The following TMEM240 variants were observed in gnomAD, a reference collection of about 807,000 sequenced individuals.
The protein encoded by TMEM240 is transmembrane protein C1orf70.
TMEM240 carries 3 observed loss-of-function variants against 19.5 expected under a neutral mutation model. The observed-to-expected ratio is 0.15, with a 90% CI of 0.07 to 0.40. The LOEUF (loss-of-function observed/expected upper bound fraction) is 0.40. Among genes scored for constraint, TMEM240 ranks in the 10% least tolerant of loss-of-function variants. The pLI is 1.00. For synonymous variants in TMEM240, 123 were observed against 109.3 expected (o/e 1.13, Z -0.78); for missense variants, 210 against 253.5 (o/e 0.83, Z 1.17).
chr1:1,539,842 G>C (rs1175723253), intron 1 of TMEM240, 52 bp from the exon 2 acceptor site: 1 of 1,494,356 alleles, frequency 6.7e-7, no homozygotes, highest in African/African-American at 1.4e-5. Flanking sequence ...GACGAAGCGG[G>C]GCTGGGGGTG....
chr1:1,535,599 T>G lies in TMEM240; in HGVS notation c.363A>C (p.Gly121=). The G allele has an allele frequency of 6.5e-7, 1 of 1,549,262 alleles. No homozygotes were observed. The highest frequency in any genetic ancestry group is 8.7e-7 in the Non-Finnish European group (1 of 1,146,326). The part of the protein sequence containing the change: ...LHCAVRAWRA[G]RRYDGSWTWL... ...GCACGAGGCACTCACCGTAGCGCCGTCCGGCTCTCCAGGCGCGCACGGCGC... is the reference window on the plus strand; with the variant it reads ...GCACGAGGCACTCACCGTAGCGCCGGCCGGCTCTCCAGGCGCGCACGGCGC... The change falls in exon 3 of 4, where the codon GGA becomes GGC. Residue 121 remains glycine (G), a synonymous_variant. Coordinates refer to ENST00000378733, the MANE Select transcript of TMEM240 (RefSeq NM_001114748.2). This position sits in a 1 kb window ranked among gnomAD's most constrained non-coding sequence, Gnocchi z 8.2.
In TMEM240 at chr1:1,535,138, G is replaced by A. The variant is rs1309158343; in HGVS notation, c.*221C>T. ...CCTTGTGTCCTGCCCCCCAACTGCA[G>A]GGTCTCCCCTAACCCAACCCCCACC... is the stretch of plus-strand genomic sequence containing the variant. On this transcript the variant is annotated 3_prime_UTR_variant, in exon 4 of 4. Coordinates refer to ENST00000378733, the MANE Select transcript of TMEM240 (RefSeq NM_001114748.2). The surrounding 1 kb of genome is among the most constrained non-coding windows in gnomAD (Gnocchi z 8.2). 1 of 339,110 alleles carries A rather than the reference G, an allele frequency of 2.9e-6. No individual in the cohort carries two copies. The allele number at this position is 339,110 out of a possible 1,614,324, so 21.0% of individuals were successfully genotyped here. A position where few individuals can be genotyped will look rare whatever the true frequency, so the allele number is the denominator to read the frequency against.
Position 1,535,475 on chromosome 1 carries a change from T to G in TMEM240, c.406A>C (p.Ser136Arg). ...GSWTWLPKLC[S>R]LRELGRRPHR... ...GGCCGCCGGCCCAGCTCCCGCAGGC[T>G]GCACAGCTTGGGCAGCCAGGTCCAC... is the stretch of plus-strand genomic sequence containing the variant. Residue 136 changes from serine (S) to arginine (R), a missense_variant, in exon 4 of 4, where the codon AGC becomes CGC. Around this residue, in one of 3 missense-constraint regions of TMEM240, gnomAD observed 157 missense variants for 168.2 expected, o/e 0.93. Transcript: ENST00000378733. This position sits in a 1 kb window ranked among gnomAD's most constrained non-coding sequence, Gnocchi z 8.2. 1 of 1,548,380 alleles carries G rather than the reference T, an allele frequency of 6.5e-7. No individual in the cohort carries two copies. The highest frequency in any genetic ancestry group is 8.7e-7 in the Non-Finnish European group (1 of 1,145,946).
rs1642287197 is a variant in TMEM240 at position 1,540,412 on chromosome 1, A to G, written c.-66T>C. On this transcript the variant is annotated 5_prime_UTR_variant, in exon 1 of 4. Transcript: ENST00000378733. Reference sequence around the variant, plus strand: ...CCGGCGCCCCCCCGGCCCCGGCCCGATGCTGAGCCCCCGCCGCCTCCGCAG... The same window carrying G: ...CCGGCGCCCCCCCGGCCCCGGCCCGGTGCTGAGCCCCCGCCGCCTCCGCAG... 1 of 619,344 alleles carries G rather than the reference A, an allele frequency of 1.6e-6. No homozygotes were observed. The highest frequency in any genetic ancestry group is 2.1e-6 in the Non-Finnish European group (1 of 484,556). The allele number at this position is 619,344 out of a possible 1,614,324, so 38.4% of individuals were successfully genotyped here. A position where few individuals can be genotyped will look rare whatever the true frequency, so the allele number is the denominator to read the frequency against.
Position 1,535,941 on chromosome 1 carries a change from G to GGGGGA in TMEM240, c.165-145_165-144insTCCCC. 3 of 388,946 alleles carry GGGGGA rather than the reference G, an allele frequency of 7.7e-6. No homozygotes were observed. The highest frequency in any genetic ancestry group is 7.5e-5 in the East Asian group (1 of 13,394). The allele number at this position is 388,946 out of a possible 1,614,324, so 24.1% of individuals were successfully genotyped here. ...GCAGCCTCTTGGGCGGGCGGGTCGG[G>GGGGGA]AAGGGGGCACCAGACTCAACGAGGC... On this transcript the variant is annotated intron_variant, in intron 2 of 3. Transcript: ENST00000378733. This position sits in a 1 kb window ranked among gnomAD's most constrained non-coding sequence, Gnocchi z 8.2.
chr1:1,536,370 G>A lies in TMEM240; in HGVS notation c.165-573C>T, dbSNP rs1642222037. 6.6e-6 allele frequency among the ~76,000 whole-genome samples: 1 copy of A among 152,154 alleles called. No homozygotes were observed. The highest frequency in any genetic ancestry group is 1.5e-5 in the Non-Finnish European group (1 of 68,008). On this transcript the variant is annotated intron_variant, in intron 2 of 3. Coordinates refer to ENST00000378733, the MANE Select transcript of TMEM240 (RefSeq NM_001114748.2). The surrounding 1 kb of genome is among the most constrained non-coding windows in gnomAD (Gnocchi z 5.4). Reference sequence around the variant, plus strand: ...GTGTTTCTTCTGCTCCTCTATCCCTGGGAGGTGCTGTCGGAGGCCACGGGG... The same window carrying A: ...GTGTTTCTTCTGCTCCTCTATCCCTAGGAGGTGCTGTCGGAGGCCACGGGG...
chr1:1,537,620 C>T (rs972355378), intron 2 of TMEM240, among the ~76,000 whole-genome samples: 4 of 152,186 alleles, frequency 2.6e-5, no homozygotes, highest in African/African-American at 9.7e-5. Flanking sequence ...GCTATCTGCA[C>T]ACGTATGTCT....
rs1171902448 is a variant in TMEM240, at chr1:1,536,557, C to T, written c.165-760G>A. ...CTCCATGTCCCTCGGCCTCCCCTCC[C>T]CGGGCTCTTGGGGGAACTGCCCAGG... On this transcript the variant is annotated intron_variant, in intron 2 of 3. Transcript: ENST00000378733. This position sits in a 1 kb window ranked among gnomAD's most constrained non-coding sequence, Gnocchi z 5.4. 1.3e-5 allele frequency among the ~76,000 whole-genome samples: 2 copies of T among 152,208 alleles called. No homozygotes were observed. Among genetic ancestry groups the T allele is most frequent in the African/African-American group, 4.8e-5 (2 of 41,448 alleles).
Position 1,535,011 on chromosome 1 carries a change from C to T in TMEM240, c.*348G>A, listed in dbSNP as rs930521989. ...CAGCGCCTTCAAACAGATGCTGGCCCGGGCCGCGCGCCTCGCCGCCCCTGC... is the reference window on the plus strand; with the variant it reads ...CAGCGCCTTCAAACAGATGCTGGCCTGGGCCGCGCGCCTCGCCGCCCCTGC... On this transcript the variant is annotated 3_prime_UTR_variant, in exon 4 of 4. Transcript: ENST00000378733. The surrounding 1 kb of genome is among the most constrained non-coding windows in gnomAD (Gnocchi z 8.2). 6.6e-5 allele frequency among the ~76,000 whole-genome samples: 10 copies of T among 151,410 alleles called. No homozygotes were observed. The highest frequency in any genetic ancestry group is 3.4e-3 in the Middle Eastern group (1 of 294).
Position 1,540,397 on chromosome 1 carries a change from C to A in TMEM240, c.-51G>T, listed in dbSNP as rs1321045639. Reference sequence around the variant, plus strand: ...CGCCGCCCCCCGGCCCCGGCGCCCCCCCGGCCCCGGCCCGATGCTGAGCCC... The same window carrying A: ...CGCCGCCCCCCGGCCCCGGCGCCCCACCGGCCCCGGCCCGATGCTGAGCCC... On this transcript the variant is annotated 5_prime_UTR_variant, in exon 1 of 4. Transcript: ENST00000378733. 6 of 841,614 alleles carry A rather than the reference C, an allele frequency of 7.1e-6. No homozygotes were observed. The highest frequency in any genetic ancestry group is 9.0e-6 in the Non-Finnish European group (6 of 666,392). The allele number at this position is 841,614 out of a possible 1,614,324, so 52.1% of individuals were successfully genotyped here.
chr1:1,539,722 C>T lies in TMEM240; in HGVS notation c.126G>A (p.Leu42=), dbSNP rs1485867741. 1 of 1,548,112 alleles carries T rather than the reference C, an allele frequency of 6.5e-7. No individual in the cohort carries two copies. The highest frequency in any genetic ancestry group is 1.4e-5 in the African/African-American group (1 of 72,972). ...AGTGGCAGACGCGGTCCTCGCCCCG[C>T]AGGTGCGGGAGGATGTAGTTGTGGA... The part of the protein sequence containing the change: ...DRFHNYILPH[L]RGEDRVCHCN... Residue 42 remains leucine, a synonymous_variant, in exon 2 of 4, where the codon CTG becomes CTA. Transcript: ENST00000378733.
Position 1,535,286 on chromosome 1 carries a change from G to A in TMEM240, c.*73C>T, listed in dbSNP as rs943317070. 6 of 1,494,064 alleles carry A rather than the reference G, an allele frequency of 4.0e-6. No homozygotes were observed. The highest frequency in any genetic ancestry group is 5.4e-6 in the Non-Finnish European group (6 of 1,112,542). The allele number at this position is 1,494,064 out of a possible 1,614,324, so 92.6% of individuals were successfully genotyped here. A position where few individuals can be genotyped will look rare whatever the true frequency, so the allele number is the denominator to read the frequency against. On this transcript the variant is annotated 3_prime_UTR_variant, in exon 4 of 4. Coordinates refer to ENST00000378733, the MANE Select transcript of TMEM240 (RefSeq NM_001114748.2). This position sits in a 1 kb window ranked among gnomAD's most constrained non-coding sequence, Gnocchi z 8.2. Reference sequence around the variant, plus strand: ...CTGCTGTCCAGTCCCGCCGGCCCGGGCGTCCACGAGGTCCCTTTTACATCT... The same window carrying A: ...CTGCTGTCCAGTCCCGCCGGCCCGGACGTCCACGAGGTCCCTTTTACATCT...
chr1:1,537,030 T>G (rs1023209709), intron 2 of TMEM240, among the ~76,000 whole-genome samples: 1 of 148,400 alleles, frequency 6.7e-6, no homozygotes, highest in Non-Finnish European at 1.5e-5. Context: ...AAGCCCAGCC[T>G]GTCCGTCCAA....
intron 1 of TMEM240, 36 bp from the exon 2 acceptor site, chr1:1,539,826 G>A (rs1465588113): frequency 1.3e-6 from 2 of 1,530,918 alleles, no homozygotes; most frequent in East Asian, 2.5e-5. Context: ...GCCAAGGAGC[G>A]GGCGGGACGA....
At position 1,539,835 on chromosome 1, in the gene TMEM240, G is replaced by A. The variant is rs555093056; in HGVS notation, c.58-45C>T. On this transcript the variant is annotated intron_variant, in intron 1 of 3. Transcript: ENST00000378733. The stretch of plus-strand genomic sequence containing the variant: ...GTCAGCGCCAAGGAGCGGGCGGGAC[G>A]AAGCGGGGCTGGGGGTGGGGAGCGC... 908 of 1,432,690 alleles carry A rather than the reference G, an allele frequency of 6.3e-4. 5 individuals are homozygous for A. In the African/African-American group the frequency reaches 0.012, roughly 19 times the overall value. 88.7% of individuals were successfully genotyped at this position (1,432,690 alleles called of 1,614,324 possible).
rs373116839 is a variant in TMEM240 at position 1,535,284 on chromosome 1, G to A, written c.*75C>T. The A allele has an allele frequency of 2.9e-4, 434 of 1,488,382 alleles. No homozygotes were observed. Among genetic ancestry groups the A allele is most frequent in the Non-Finnish European group, 3.4e-4 (374 of 1,109,160 alleles). 92.2% of individuals were successfully genotyped at this position (1,488,382 alleles called of 1,614,324 possible). On this transcript the variant is annotated 3_prime_UTR_variant, in exon 4 of 4. Transcript: ENST00000378733. The surrounding 1 kb of genome is among the most constrained non-coding windows in gnomAD (Gnocchi z 8.2). Reference sequence around the variant, plus strand: ...GGCTGCTGTCCAGTCCCGCCGGCCCGGGCGTCCACGAGGTCCCTTTTACAT... The same window carrying A: ...GGCTGCTGTCCAGTCCCGCCGGCCCAGGCGTCCACGAGGTCCCTTTTACAT...
At position 1,536,294 on chromosome 1, in the gene TMEM240, G is replaced by A. The variant is rs191810902; in HGVS notation, c.165-497C>T. On this transcript the variant is annotated intron_variant, in intron 2 of 3. Coordinates refer to ENST00000378733, the MANE Select transcript of TMEM240 (RefSeq NM_001114748.2). The surrounding 1 kb of genome is among the most constrained non-coding windows in gnomAD (Gnocchi z 5.4). ...CCCATGCACCCTTCCCCCCGCTGCTGTGCCCTTTCCTCCACGGCTGCCACC... is the reference window on the plus strand; with the variant it reads ...CCCATGCACCCTTCCCCCCGCTGCTATGCCCTTTCCTCCACGGCTGCCACC... Among the ~76,000 whole-genome samples the A allele has an allele frequency of 6.6e-6, 1 of 152,282 alleles. No homozygotes were observed. Among genetic ancestry groups the A allele is most frequent in the Admixed American group, 6.5e-5 (1 of 15,306 alleles).
rs1419176580 is a variant in TMEM240 at position 1,535,335 on chromosome 1, G to A, written c.*24C>T. 1.9e-6 allele frequency: 3 copies of A among 1,547,136 alleles called. No individual in the cohort carries two copies. The South Asian group carries it at 3.6e-5, about 18-fold the overall frequency. ...CTGTACAGCAGCCGGTTGGCTCGGT[G>A]GCCCCGGTAAGTCCCCGTGCGGCTC... On this transcript the variant is annotated 3_prime_UTR_variant, in exon 4 of 4. Transcript: ENST00000378733. This position sits in a 1 kb window ranked among gnomAD's most constrained non-coding sequence, Gnocchi z 8.2.
intron 2 of TMEM240, among the ~76,000 whole-genome samples, chr1:1,537,648 G>C (rs911377207): frequency 1.4e-4 from 21 of 152,176 alleles, no homozygotes; most frequent in African/African-American, 5.1e-4. Context: ...GTACATACGT[G>C]TGTCCTGCCT....
Sources: allele counts gnomAD v4.1 joint callset (sites outside exome capture counted in the v4.1 genomes callset), GRCh38; gene constraint gnomAD v4.1.1; regional missense constraint gnomAD v4.1.1; non-coding constraint Gnocchi (gnomAD v3.1); transcripts MANE v1.5; gene names NCBI Gene and HGNC (gene_info 2026-07-23, HGNC 2026-07-21).